The following GRIP1 variants were observed in gnomAD, a reference collection of about 807,000 sequenced individuals.
The protein encoded by GRIP1 is glutamate receptor interacting protein 1.
Under a neutral mutation model 129.9 loss-of-function variants are expected in GRIP1, and 45 were observed. That is an observed-to-expected ratio of 0.35 (90% CI 0.27 to 0.44). The LOEUF is 0.44. Ranked by LOEUF, GRIP1 falls within the 20% of genes least tolerant of loss-of-function variation. The pLI, the probability that GRIP1 is intolerant of heterozygous loss-of-function variation, is 1.00. For missense variants in GRIP1, 1,196 were observed against 1,396.8 expected, an observed-to-expected ratio of 0.86 and a Z score of 2.29; for synonymous variants, 530 against 520.8, an observed-to-expected ratio of 1.02 and a Z score of -0.24.
intron 2 of GRIP1, among the ~76,000 whole-genome samples, chr12:66,569,488 A>G (rs1186160709): frequency 1.3e-5 from 2 of 151,432 alleles, no homozygotes; most frequent in South Asian, 2.1e-4. Flanking sequence ...AAAAAAAAAG[A>G]AGTTAACTTT....
intron 13 of GRIP1, among the ~76,000 whole-genome samples, chr12:66,443,028 A>G (rs1592878794): frequency 6.6e-6 from 1 of 152,346 alleles, no homozygotes; most frequent in East Asian, 1.9e-4. Flanking sequence ...GTCCACAAGC[A>G]TATCTTTACT....
At chr12:66,737,837 T>C (rs76239015) in intron 1 of GRIP1, among the ~76,000 whole-genome samples, 7,141 of 152,252 alleles carry the variant, frequency 0.047, 257 homozygotes, top group African/African-American at 0.095. Context: ...ACCGATGTTA[T>C]GCCCACGTGA....
chr12:66,985,482 A>G (rs2042298509), intron 1 of GRIP1, among the ~76,000 whole-genome samples: 1 of 152,142 alleles, frequency 6.6e-6, no homozygotes, highest in Admixed American at 6.5e-5. Flanking sequence ...TTAAAATAAA[A>G]TTTTTACTGT....
chr12:66,515,746 G>C lies in GRIP1; in HGVS notation c.597C>G (p.Pro199=). 6.2e-7 allele frequency: 1 copy of C among 1,613,562 alleles called. No homozygotes were observed. Residue 199 remains proline, a synonymous_variant, in exon 7 of 25, where the codon CCC becomes CCG. Transcript: ENST00000359742. ...CATCCACACTGAGCAACCTGTCACC[G>C]GGTTTGATCGTGCCCTCTCTGAAGG... ...GPADREGTIK[P]GDRLLSVDGI...
chr12:66,357,403 C>G (rs116948122), intron 23 of GRIP1, among the ~76,000 whole-genome samples: 2,050 of 152,186 alleles, frequency 0.013, 110 homozygotes, highest in Admixed American at 0.091. Context: ...TGATTTCAGT[C>G]GAGGTTAGCT....
At chr12:67,014,333 T>C (rs962484272) in intron 1 of GRIP1, among the ~76,000 whole-genome samples, 6 of 152,156 alleles carry the variant, frequency 3.9e-5, no homozygotes, top group Non-Finnish European at 7.4e-5. Context: ...ATAAATTATA[T>C]GAGCACCTGT....
intron 1 of GRIP1, among the ~76,000 whole-genome samples, chr12:66,768,371 T>A (rs533809636): frequency 1.3e-5 from 2 of 152,234 alleles, no homozygotes; most frequent in Non-Finnish European, 2.9e-5. Context: ...CATGCTCACA[T>A]ACAAACACAT....
At chr12:66,357,123 A>T (rs1168353) in intron 23 of GRIP1, among the ~76,000 whole-genome samples, 1,898 of 152,040 alleles carry the variant, frequency 0.012, 41 homozygotes, top group African/African-American at 0.043. Flanking sequence ...GTGATCCGCC[A>T]GCCTTGGCCT....
chr12:66,725,020 G>C (rs2036206869), intron 1 of GRIP1, among the ~76,000 whole-genome samples: 1 of 152,164 alleles, frequency 6.6e-6, no homozygotes. Context: ...GGCCAGGCAC[G>C]ATGGCTCATG....
chr12:66,561,458 T>C (rs2062524754), intron 2 of GRIP1, among the ~76,000 whole-genome samples: 1 of 151,998 alleles, frequency 6.6e-6, no homozygotes. Context: ...TATATATACT[T>C]ACTATATACC....
At chr12:66,459,857 A>G (rs1026786151) in intron 9 of GRIP1, among the ~76,000 whole-genome samples, 31 of 152,234 alleles carry the variant, frequency 2.0e-4, no homozygotes, top group African/African-American at 7.0e-4. Context: ...AAGTATTTCC[A>G]AAGTTTAATA....
chr12:66,713,916 T>C (rs2035788597), intron 1 of GRIP1, among the ~76,000 whole-genome samples: 1 of 151,954 alleles, frequency 6.6e-6, no homozygotes, highest in Non-Finnish European at 1.5e-5. Context: ...TTTTAAAAGC[T>C]CCTTGATAGA....
intron 1 of GRIP1, among the ~76,000 whole-genome samples, chr12:66,853,657 T>C (rs563532876): frequency 1.3e-5 from 2 of 152,164 alleles, no homozygotes; most frequent in South Asian, 2.1e-4. Context: ...TTCTCACTTA[T>C]ACATTTATAA....
intron 1 of GRIP1, among the ~76,000 whole-genome samples, chr12:66,653,225 C>T (rs1020732937): frequency 2.0e-5 from 3 of 152,188 alleles, no homozygotes; most frequent in Admixed American, 6.5e-5. Flanking sequence ...CTCTTTCCTA[C>T]AAGTGTTAAT....
intron 19 of GRIP1, among the ~76,000 whole-genome samples, chr12:66,381,368 G>A (rs992935225): frequency 1.3e-4 from 20 of 152,200 alleles, no homozygotes; most frequent in African/African-American, 4.6e-4. Flanking sequence ...CTCTTGAAGG[G>A]GAACTAAGTA....
At chr12:66,722,478 G>C (rs2036087561) in intron 1 of GRIP1, among the ~76,000 whole-genome samples, 1 of 152,062 alleles carries the variant, frequency 6.6e-6, no homozygotes, top group Admixed American at 6.6e-5. Flanking sequence ...AAAATAGTAA[G>C]ATCAAAGATC....
chr12:66,821,357 G>T (rs1284593123), intron 1 of GRIP1, among the ~76,000 whole-genome samples: 1 of 152,260 alleles, frequency 6.6e-6, no homozygotes, highest in East Asian at 1.9e-4. Context: ...CAAAAATGTG[G>T]AAAGCTATGG....
chr12:66,788,144 GC>G (rs1202700873), intron 1 of GRIP1, among the ~76,000 whole-genome samples: 2 of 152,066 alleles, frequency 1.3e-5, no homozygotes, highest in Non-Finnish European at 2.9e-5. Context: ...AAAGTTGAGT[GC>G]CAATGGAGAA....
chr12:66,926,624 T>C (rs961459587), intron 1 of GRIP1, among the ~76,000 whole-genome samples: 1 of 152,240 alleles, frequency 6.6e-6, no homozygotes, highest in Non-Finnish European at 1.5e-5. Context: ...AGTTATGCTA[T>C]GTGACTTTAG....
Sources: gnomAD v4.1 joint callset for allele counts (sites outside exome capture counted in the v4.1 genomes callset) on GRCh38, gnomAD v4.1.1 for gene constraint, MANE v1.5 for transcripts, NCBI Gene and HGNC (gene_info 2026-07-23, HGNC 2026-07-21) for gene names.